Variants in ZDHHC13 observed in about 807,000 individuals in gnomAD.
The protein encoded by ZDHHC13 is palmitoyltransferase ZDHHC13.
Under a neutral mutation model 86.0 loss-of-function variants are expected in ZDHHC13, and 85 were observed. The observed-to-expected ratio is 0.99, with a 90% CI of 0.83 to 1.18. The LOEUF (loss-of-function observed/expected upper bound fraction) is 1.18, where lower values mean the gene tolerates loss of function less well. Ranked by LOEUF, ZDHHC13 falls within the 50% of genes most tolerant of loss-of-function variation. The probability of loss-of-function intolerance (pLI) is 0.00; values close to 1 mark genes in which losing one functional copy is unlikely to be tolerated. For synonymous variants in ZDHHC13, 263 were observed against 246.4 expected, an observed-to-expected ratio of 1.07 and a Z score of -0.63; for missense variants, 711 against 730.2, an observed-to-expected ratio of 0.97 and a Z score of 0.30.
intron 13 of ZDHHC13, 24 bp from the exon 14 acceptor site, chr11:19,166,278 A>G (rs186290991): frequency 7.6e-6 from 12 of 1,577,146 alleles, no homozygotes; most frequent in Non-Finnish European, 1.0e-5. Context: ...AATATTAAGT[A>G]TGTTTTTTTT....
chr11:19,170,758 C>T (rs1850200682), intron 15 of ZDHHC13, among the ~76,000 whole-genome samples, 190 bp downstream of exon 15: 1 of 152,152 alleles, frequency 6.6e-6, no homozygotes, highest in African/African-American at 2.4e-5. Context: ...ATAATAACGC[C>T]TGTCTACTAC....
chr11:19,142,294 C>G (rs181998306), intron 1 of ZDHHC13, among the ~76,000 whole-genome samples: 71 of 152,296 alleles, frequency 4.7e-4, no homozygotes, highest in Non-Finnish European at 7.2e-4. Context: ...CTCTCACAGG[C>G]CCTCGCATAT....
intron 1 of ZDHHC13, among the ~76,000 whole-genome samples, chr11:19,126,582 T>G (rs1043936033): frequency 1.4e-5 from 2 of 141,426 alleles, no homozygotes; most frequent in African/African-American, 5.3e-5. Flanking sequence ...ACTCCTTACC[T>G]CAAGTGATGC....
At chr11:19,134,891 G>A (rs1428705825) in intron 1 of ZDHHC13, among the ~76,000 whole-genome samples, 1 of 152,152 alleles carries the variant, frequency 6.6e-6, no homozygotes, top group South Asian at 2.1e-4. Context: ...TATTATCTGG[G>A]TATGGTGGCA....
Position 19,152,169 on chromosome 11 carries a change from C to T in ZDHHC13, c.596C>T (p.Thr199Ile). ...SAHKVIGPEP[T>I]GFLLKFNPSL... is the part of the protein sequence containing the mutation. The stretch of plus-strand genomic sequence containing the variant: ...TTATTTTGAGACAGGCCAGAACCAA[C>T]TGGATTTCTTTTAAAGTTTAATCCT... The change falls in exon 7 of 17, where the codon ACT becomes ATT. Residue 199 changes from threonine (T) to isoleucine (I), a missense_variant. Coordinates refer to ENST00000446113, the MANE Select transcript of ZDHHC13 (RefSeq NM_019028.3). The T allele has an allele frequency of 6.2e-7, 1 of 1,612,872 alleles. No individual in the cohort carries two copies. Among genetic ancestry groups the T allele is most frequent in the South Asian group, 1.1e-5 (1 of 90,988 alleles).
chr11:19,137,569 A>T (rs1034411592), intron 1 of ZDHHC13, among the ~76,000 whole-genome samples: 1 of 152,000 alleles, frequency 6.6e-6, no homozygotes, highest in Non-Finnish European at 1.5e-5. Flanking sequence ...AAGCGGACCT[A>T]ATAGACATCT....
chr11:19,158,205 T>C (rs1421916622), intron 9 of ZDHHC13, among the ~76,000 whole-genome samples: 1 of 152,156 alleles, frequency 6.6e-6, no homozygotes, highest in Non-Finnish European at 1.5e-5. Context: ...TCATACCTAC[T>C]GTTAATCATT....
chr11:19,139,169 T>C (rs1197644098), intron 1 of ZDHHC13, among the ~76,000 whole-genome samples: 1 of 151,714 alleles, frequency 6.6e-6, no homozygotes, highest in Middle Eastern at 3.2e-3. Context: ...AAAACCCCAT[T>C]GTCTCAGCCC....
In ZDHHC13 at chr11:19,117,372, G is replaced by T; in HGVS notation, c.27+96G>T. On this transcript the variant is annotated intron_variant, in intron 1 of 16. Coordinates refer to ENST00000446113, the MANE Select transcript of ZDHHC13 (RefSeq NM_019028.3). This position sits in a 1 kb window ranked among gnomAD's most constrained non-coding sequence, Gnocchi z 4.2. ...GTGGGTGAGAGGCCGCTCGATGAGG[G>T]GGTTTCGGGAGCGGCGGGGCCTAGG... 1 of 1,280,956 alleles carries T rather than the reference G, an allele frequency of 7.8e-7. No homozygotes were observed. The highest frequency in any genetic ancestry group is 3.0e-5 in the East Asian group (1 of 33,200). The allele number at this position is 1,280,956 out of a possible 1,614,324, so 79.3% of individuals were successfully genotyped here.
At position 19,146,172 on chromosome 11, in the gene ZDHHC13, T is replaced by C; in HGVS notation, c.174-9T>C. On this transcript the variant is annotated splice_polypyrimidine_tract_variant and intron_variant, in intron 2 of 16. Transcript: ENST00000446113. ...TGTATCAATTATGCTTTTTTTTTTC[T>C]TCTTTGAGATACGGAATTTTTGAAC... 6.4e-7 allele frequency: 1 copy of C among 1,560,554 alleles called. No homozygotes were observed. Among genetic ancestry groups the C allele is most frequent in the Non-Finnish European group, 8.6e-7 (1 of 1,156,538 alleles).
At chr11:19,172,616 G>A in intron 15 of ZDHHC13, 107 bp from the exon 16 acceptor site, 1 of 795,764 alleles carries the variant, frequency 1.3e-6, no homozygotes, top group Non-Finnish European at 1.9e-6. Context: ...GAGATACTAA[G>A]GAGAACACAC....
rs529377063 is a variant in ZDHHC13, at chr11:19,135,774, T to C, written c.28-7204T>C. Among the ~76,000 whole-genome samples, 1,042 of 152,324 alleles carry C rather than the reference T, an allele frequency of 6.8e-3. 9 individuals are homozygous for C. Among genetic ancestry groups the C allele is most frequent in the African/African-American group, 0.024 (983 of 41,580 alleles). On this transcript the variant is annotated intron_variant, in intron 1 of 16. Transcript: ENST00000446113. Reference sequence around the variant, plus strand: ...AAGTGGGTCCCTGACCTCTGACCCTTGAGCAGCCTAACTGGGAGGCACCCC... The same window carrying C: ...AAGTGGGTCCCTGACCTCTGACCCTCGAGCAGCCTAACTGGGAGGCACCCC...
At chr11:19,122,926 A>G (rs1245635155) in intron 1 of ZDHHC13, among the ~76,000 whole-genome samples, 3 of 152,188 alleles carry the variant, frequency 2.0e-5, no homozygotes, top group Non-Finnish European at 4.4e-5. Context: ...TTTAGGTTTT[A>G]CTTTGATCTG....
At chr11:19,137,359 A>G (rs1309258240) in intron 1 of ZDHHC13, among the ~76,000 whole-genome samples, 1 of 152,170 alleles carries the variant, frequency 6.6e-6, no homozygotes, top group Non-Finnish European at 1.5e-5. Flanking sequence ...TTCAACAAGA[A>G]GAGCTAACTG....
chr11:19,149,166 C>A (rs376614601), intron 4 of ZDHHC13, 21 bp from the exon 5 acceptor site: 2 of 1,516,942 alleles, frequency 1.3e-6, no homozygotes, highest in African/African-American at 1.4e-5. Context: ...TACAGAATGG[C>A]TTTTTGTCTT....
chr11:19,161,729 A>C (rs1377322456), intron 10 of ZDHHC13, among the ~76,000 whole-genome samples: 1 of 150,164 alleles, frequency 6.7e-6, no homozygotes, highest in Non-Finnish European at 1.5e-5. Context: ...AAGAGGGATA[A>C]ATACATGTAA....
At position 19,170,588 on chromosome 11, in the gene ZDHHC13, T is replaced by A; in HGVS notation, c.1632+20T>A. 2 of 1,506,754 alleles carry A rather than the reference T, an allele frequency of 1.3e-6. No individual in the cohort carries two copies. The highest frequency in any genetic ancestry group is 2.7e-5 in the Admixed American group (1 of 36,870). 93.3% of individuals were successfully genotyped at this position (1,506,754 alleles called of 1,614,324 possible). A position where few individuals can be genotyped will look rare whatever the true frequency, so the allele number is the denominator to read the frequency against. ...TTTCAGGTATTTATTTCTCTTCTTA[T>A]AATGGCTTTGAGTAAAATTTCTAAA... On this transcript the variant is annotated intron_variant, in intron 15 of 16. Transcript: ENST00000446113.
intron 1 of ZDHHC13, among the ~76,000 whole-genome samples, chr11:19,127,106 T>C (rs1848896216): frequency 6.6e-6 from 1 of 152,222 alleles, no homozygotes; most frequent in Non-Finnish European, 1.5e-5. Context: ...CTCTGTAACC[T>C]TGCCAGCATC....
intron 8 of ZDHHC13, among the ~76,000 whole-genome samples, chr11:19,154,734 C>G (rs1849710485): frequency 6.6e-6 from 1 of 152,216 alleles, no homozygotes; most frequent in South Asian, 2.1e-4. Flanking sequence ...TCTCGAAACT[C>G]TCTTCCCTGG....
Sources: allele counts gnomAD v4.1 joint callset (sites outside exome capture counted in the v4.1 genomes callset), GRCh38; gene constraint gnomAD v4.1.1; non-coding constraint Gnocchi (gnomAD v3.1); transcripts MANE v1.5; gene names NCBI Gene and HGNC (gene_info 2026-07-23, HGNC 2026-07-21).